Variants in CALD1 observed in about 807,000 individuals in gnomAD.
CALD1 encodes caldesmon 1, also known as caldesmon.
Under a neutral mutation model 99.9 loss-of-function variants are expected in CALD1, and 33 were observed. The ratio of observed to expected loss-of-function variants is 0.33; its 90% CI spans 0.25 to 0.44. The LOEUF (loss-of-function observed/expected upper bound fraction) is 0.44. Among genes scored for constraint, CALD1 ranks in the 20% least tolerant of loss-of-function variants. CALD1 has a pLI of 1.00. For synonymous variants in CALD1, 310 were observed against 325.0 expected (o/e 0.95, Z 0.50); for missense variants, 861 against 962.1 (o/e 0.89, Z 1.39).
At chr7:134,947,966 T>A in intron 8 of CALD1, 197 bp downstream of exon 8, 1 of 596,640 alleles carries the variant, frequency 1.7e-6, no homozygotes, top group Non-Finnish European at 2.9e-6. Context: ...TAGGTACTAA[T>A]CCCCATTTTA....
At chr7:134,907,630 A>C (rs1429184398) in intron 3 of CALD1, among the ~76,000 whole-genome samples, 1 of 152,208 alleles carries the variant, frequency 6.6e-6, no homozygotes, top group Non-Finnish European at 1.5e-5. Context: ...ATGCATTTAC[A>C]AAAAATATTA....
At chr7:134,776,249 C>T (rs557440056), upstream of CALD1, among the ~76,000 whole-genome samples, 15 of 152,100 alleles carry the variant, frequency 9.9e-5, no homozygotes, top group South Asian at 2.1e-4. Context: ...TTAAGCATGA[C>T]GTTTGCTATA....
intron 3 of CALD1, among the ~76,000 whole-genome samples, chr7:134,918,902 G>T (rs115958096): frequency 0.016 from 2,456 of 152,260 alleles, 62 homozygotes; most frequent in African/African-American, 0.056. Flanking sequence ...GGGCTGAGGT[G>T]GGTGGATCAC....
At position 134,821,523 on chromosome 7, in the gene CALD1, G is replaced by A. The variant is rs375932720; in HGVS notation, c.-129-22361G>A. ...ATTTATTTCTGAGTGCTAGATATAG[G>A]TGATTTTTTTTAATGTTCTTTATAC... On this transcript the variant is annotated intron_variant, in intron 1 of 14. Transcript: ENST00000361675. 1.7e-4 allele frequency among the ~76,000 whole-genome samples: 26 copies of A among 149,984 alleles called. No individual in the cohort carries two copies. The South Asian group carries it at 3.6e-3, about 21-fold the overall frequency.
At position 134,789,841 on chromosome 7, in the gene CALD1, G is replaced by A. The variant is rs190106927; in HGVS notation, c.-130+10092G>A. On this transcript the variant is annotated intron_variant, in intron 1 of 14. Coordinates refer to ENST00000361675, the MANE Select transcript of CALD1 (RefSeq NM_033138.4). ...ATAGATATTTCTGTCTCTGAAGCAC[G>A]AACCTCGCTGCTCTACAGAAGCAGA... 1.2e-3 allele frequency among the ~76,000 whole-genome samples: 177 copies of A among 152,196 alleles called. 2 individuals carry two copies. Among genetic ancestry groups the A allele is most frequent in the Admixed American group, 3.8e-3 (58 of 15,280 alleles).
At chr7:134,917,254 A>C (rs917918884) in intron 3 of CALD1, among the ~76,000 whole-genome samples, 14 of 152,340 alleles carry the variant, frequency 9.2e-5, no homozygotes, top group African/African-American at 3.1e-4. Context: ...TTAATAGATA[A>C]TAGCAGTCAA....
chr7:134,839,427 G>T (rs1444876182), intron 1 of CALD1, among the ~76,000 whole-genome samples: 1 of 152,140 alleles, frequency 6.6e-6, no homozygotes, highest in South Asian at 2.1e-4. Context: ...ATATATGCCT[G>T]TAAGTAAGAT....
intron 3 of CALD1, among the ~76,000 whole-genome samples, chr7:134,889,777 A>T (rs576144404): frequency 2.6e-5 from 4 of 152,188 alleles, no homozygotes; most frequent in Non-Finnish European, 4.4e-5. Context: ...TTTCATCAAT[A>T]TATGTTCGGT....
At chr7:134,949,088 T>C (rs1458469220) in intron 8 of CALD1, among the ~76,000 whole-genome samples, 1 of 152,186 alleles carries the variant, frequency 6.6e-6, no homozygotes, top group Admixed American at 6.5e-5. Flanking sequence ...ATTTAATAGA[T>C]CATTGTGCTC....
chr7:134,871,855 C>T (rs770596823), intron 3 of CALD1, among the ~76,000 whole-genome samples: 2 of 152,122 alleles, frequency 1.3e-5, no homozygotes, highest in African/African-American at 4.8e-5. Context: ...TAAAATAAAG[C>T]GAATTTTTAC....
chr7:134,847,886 A>G (rs1799918680), intron 2 of CALD1, among the ~76,000 whole-genome samples: 1 of 152,204 alleles, frequency 6.6e-6, no homozygotes, highest in South Asian at 2.1e-4. Context: ...AGTAAAGAGA[A>G]AAGAATGATT....
chr7:134,816,970 A>G lies in CALD1; in HGVS notation c.-129-26914A>G, dbSNP rs373299761. 2.6e-5 allele frequency among the ~76,000 whole-genome samples: 4 copies of G among 152,348 alleles called. No homozygotes were observed. The East Asian group carries it at 5.8e-4, about 22-fold the overall frequency. ...GCTGTCAGAGGATTAGAGACAATTC[A>G]TTGAATTGGATTACTTGTTGTCACA... is the stretch of plus-strand genomic sequence containing the variant. On this transcript the variant is annotated intron_variant, in intron 1 of 14. Transcript: ENST00000361675.
At chr7:134,895,849 T>C (rs1227808237) in intron 3 of CALD1, among the ~76,000 whole-genome samples, 2 of 152,234 alleles carry the variant, frequency 1.3e-5, no homozygotes, top group African/African-American at 4.8e-5. Flanking sequence ...TTCCTGGTTC[T>C]CTCTGCCCAC....
In CALD1 at chr7:134,799,658, A is replaced by G. The variant is rs1004716332; in HGVS notation, c.-130+19909A>G. ...CAATATAAATTACCACTAGACTTTTACAGAGGTTGATAAAGCAAACACGTG... is the reference window on the plus strand; with the variant it reads ...CAATATAAATTACCACTAGACTTTTGCAGAGGTTGATAAAGCAAACACGTG... On this transcript the variant is annotated intron_variant, in intron 1 of 14. Coordinates refer to ENST00000361675, the MANE Select transcript of CALD1 (RefSeq NM_033138.4). Among the ~76,000 whole-genome samples, 3 of 152,304 alleles carry G rather than the reference A, an allele frequency of 2.0e-5. No homozygotes were observed. In the East Asian group the frequency reaches 5.8e-4, roughly 29 times the overall value.
intron 1 of CALD1, among the ~76,000 whole-genome samples, chr7:134,793,423 A>C (rs1034633876): frequency 6.6e-6 from 1 of 151,980 alleles, no homozygotes; most frequent in Non-Finnish European, 1.5e-5. Context: ...TCCTCACTTT[A>C]TCTGTCTTTG....
rs532820290 is a variant in CALD1 at position 134,857,231 on chromosome 7, C to T, written c.-41-10462C>T. Among the ~76,000 whole-genome samples, 4 of 137,368 alleles carry T rather than the reference C, an allele frequency of 2.9e-5. No individual in the cohort carries two copies. The South Asian group carries it at 9.3e-4, about 32-fold the overall frequency. 90.1% of individuals were successfully genotyped at this position (137,368 alleles called of 152,430 possible). A position where few individuals can be genotyped will look rare whatever the true frequency, so the allele number is the denominator to read the frequency against. On this transcript the variant is annotated intron_variant, in intron 2 of 14. Transcript: ENST00000361675. ...TCACCCAGGCTGGAGTGCAGTGGCG[C>T]GATCTCGGCTCACTGCAAGCTCCGC...
chr7:134,933,699 G>T lies in CALD1; in HGVS notation c.930G>T (p.Glu310Asp), dbSNP rs1481705741. Residue 310 changes from glutamate (E) to aspartate (D), a missense_variant, in exon 5 of 15, where the codon GAG becomes GAT. Glu to Asp is a conservative substitution (Grantham distance 45). This residue lies in a region of CALD1 where 234 missense variants were observed against 233.1 expected (regional missense o/e 1.00). Transcript: ENST00000361675. The stretch of plus-strand genomic sequence containing the variant: ...CTGCCCAAGAAAGAGAAAGGAGAGA[G>T]GCAGAAGAGAGGGAAAGGATGAGGG... ...KAAAQERERR[E>D]AEERERMREE... The T allele has an allele frequency of 6.4e-7, 1 of 1,573,936 alleles. No individual in the cohort carries two copies. The highest frequency in any genetic ancestry group is 1.9e-5 in the Admixed American group (1 of 53,100).
intron 3 of CALD1, among the ~76,000 whole-genome samples, chr7:134,902,179 CAA>C (rs1274790714): frequency 6.6e-6 from 1 of 152,006 alleles, no homozygotes; most frequent in Non-Finnish European, 1.5e-5. Context: ...TTTCTCGTCA[CAA>C]AAGAGCAAAA....
At chr7:134,719,787 G>A in the CALD1 span, among the ~76,000 whole-genome samples, 1 of 152,188 alleles carries the variant, frequency 6.6e-6, no homozygotes, top group African/African-American at 2.4e-5. Flanking sequence ...AGTTACCTTG[G>A]TTGAGTCTTA....
Sources: allele counts gnomAD v4.1 joint callset (sites outside exome capture counted in the v4.1 genomes callset), GRCh38; gene constraint gnomAD v4.1.1; regional missense constraint gnomAD v4.1.1; transcripts MANE v1.5; gene names NCBI Gene and HGNC (gene_info 2026-07-23, HGNC 2026-07-21).